Variants in TGFB1 observed in about 807,000 individuals in gnomAD.
The protein encoded by TGFB1 is transforming growth factor beta 1, also known as transforming growth factor beta-1 proprotein.
In TGFB1, 19 loss-of-function variants were observed where a neutral mutation model predicts 43.8. That is an observed-to-expected ratio of 0.43 (90% CI 0.30 to 0.64). The LOEUF (loss-of-function observed/expected upper bound fraction) is 0.64. TGFB1 is among the 30% of genes least tolerant of loss of function. The pLI is 0.11. For missense variants in TGFB1, 445 were observed against 529.8 expected, an observed-to-expected ratio of 0.84 and a Z score of 1.57; for synonymous variants, 221 against 236.3, an observed-to-expected ratio of 0.94 and a Z score of 0.60.
Position 41,332,114 on chromosome 19 carries a change from T to G in TGFB1, c.1014+14A>C. ...CCCCCAAGCGCATCTCGTAGCCCGG[T>G]GGGCCAGACGTACCTTGCTGTACTG... On this transcript the variant is annotated intron_variant, in intron 6 of 6. Coordinates refer to ENST00000221930, the MANE Select transcript of TGFB1 (RefSeq NM_000660.7). 6.2e-7 allele frequency: 1 copy of G among 1,606,474 alleles called. No individual in the cohort carries two copies. The highest frequency in any genetic ancestry group is 1.1e-5 in the South Asian group (1 of 90,966).
At chr19:41,343,295 G>C (rs7408955) in intron 3 of TGFB1, among the ~76,000 whole-genome samples, 90,205 of 151,750 alleles carry the variant, frequency 0.59, 27,671 homozygotes, top group African/African-American at 0.72. Context: ...TCACCACGCC[G>C]AGCTAATTAT....
intron 5 of TGFB1, 54 bp from the exon 6 acceptor site, chr19:41,332,335 C>G: frequency 6.3e-7 from 1 of 1,580,394 alleles, no homozygotes; most frequent in Non-Finnish European, 8.6e-7. Context: ...CCATAGAAGC[C>G]ACATGCCCCT....
intron 6 of TGFB1, chr19:41,331,923 C>T (rs1009693416): frequency 1.9e-5 from 12 of 633,132 alleles, no homozygotes; most frequent in Non-Finnish European, 2.7e-5. Flanking sequence ...CTTCATAGCT[C>T]ATCTCCCTCT....
intron 5 of TGFB1, among the ~76,000 whole-genome samples, chr19:41,341,673 G>A (rs1038452955): frequency 6.6e-6 from 1 of 152,000 alleles, no homozygotes; most frequent in Non-Finnish European, 1.5e-5. Context: ...GCCTCCCAAA[G>A]TGTTGGGATT....
At chr19:41,337,286 G>A (rs918211747) in intron 5 of TGFB1, among the ~76,000 whole-genome samples, 1 of 151,880 alleles carries the variant, frequency 6.6e-6, no homozygotes, top group Non-Finnish European at 1.5e-5. Context: ...GGATTACAGG[G>A]CCCGCCACCA....
intron 2 of TGFB1, 148 bp downstream of exon 2, chr19:41,348,145 AGC>A: frequency 2.7e-6 from 2 of 747,770 alleles, no homozygotes; most frequent in Non-Finnish European, 4.2e-6. Context: ...AAAAAAAAAA[AGC>A]GTTCTAGGAT....
intron 4 of TGFB1, 54 bp downstream of exon 4, chr19:41,342,116 A>C: frequency 6.2e-7 from 1 of 1,611,552 alleles, no homozygotes; most frequent in Admixed American, 1.7e-5. Context: ...GCAGATGGGA[A>C]CACACACACG....
At chr19:41,349,419 G>T (rs1482969728) in intron 1 of TGFB1, among the ~76,000 whole-genome samples, 3 of 152,184 alleles carry the variant, frequency 2.0e-5, no homozygotes, top group African/African-American at 7.2e-5. Flanking sequence ...GTCAAGCCAT[G>T]TGGCACCAAT....
At chr19:41,345,120 T>TA (rs1436482884) in intron 2 of TGFB1, among the ~76,000 whole-genome samples, 1 of 152,224 alleles carries the variant, frequency 6.6e-6, no homozygotes, top group Admixed American at 6.5e-5. Flanking sequence ...AGGTGTTTTC[T>TA]TGCCTTCTCG....
chr19:41,348,482 A>G (rs201678831), intron 1 of TGFB1, 27 bp from the exon 2 acceptor site: 23 of 1,609,772 alleles, frequency 1.4e-5, no homozygotes, highest in Non-Finnish European at 2.0e-5. Context: ...AAGGGAGGCG[A>G]TCAGGGGTTT....
chr19:41,353,099 G>A lies in TGFB1; in HGVS notation c.-55C>T. ...AGAGCGCGAACAGGGCTGGTGTGGT[G>A]GGGAGGCCCCGCCCCTGCAGGGGCT... is the stretch of plus-strand genomic sequence containing the variant. On this transcript the variant is annotated 5_prime_UTR_variant, in exon 1 of 7. Transcript: ENST00000221930. This position sits in a 1 kb window ranked among gnomAD's most constrained non-coding sequence, Gnocchi z 5.9. The A allele has an allele frequency of 6.9e-7, 1 of 1,450,594 alleles. No individual in the cohort carries two copies. Among genetic ancestry groups the A allele is most frequent in the Non-Finnish European group, 9.0e-7 (1 of 1,107,918 alleles). The allele number at this position is 1,450,594 out of a possible 1,614,324, so 89.9% of individuals were successfully genotyped here.
At chr19:41,350,332 G>A (rs1371808424) in intron 1 of TGFB1, among the ~76,000 whole-genome samples, 4 of 140,916 alleles carry the variant, frequency 2.8e-5, no homozygotes, top group Non-Finnish European at 6.1e-5. Context: ...TTTTTGAGAT[G>A]GAGTTTCTGT....
chr19:41,338,107 G>A (rs1308270440), intron 5 of TGFB1, among the ~76,000 whole-genome samples: 1 of 151,996 alleles, frequency 6.6e-6, no homozygotes, highest in Admixed American at 6.6e-5. Flanking sequence ...CAGGAGAATT[G>A]CTTGAACCTG....
At chr19:41,333,977 G>C (rs758221132) in intron 5 of TGFB1, among the ~76,000 whole-genome samples, 8 of 152,350 alleles carry the variant, frequency 5.3e-5, no homozygotes, top group Admixed American at 4.6e-4. Flanking sequence ...GTATACATTT[G>C]AAATTTTCCA....
rs963535936 is a variant in TGFB1, at chr19:41,353,215, G to C, written c.-171C>G. 35 of 798,054 alleles carry C rather than the reference G, an allele frequency of 4.4e-5. No individual in the cohort carries two copies. The highest frequency in any genetic ancestry group is 3.8e-4 in the Middle Eastern group (1 of 2,638). The allele number at this position is 798,054 out of a possible 1,614,324, so 49.4% of individuals were successfully genotyped here. A position where few individuals can be genotyped will look rare whatever the true frequency, so the allele number is the denominator to read the frequency against. On this transcript the variant is annotated 5_prime_UTR_variant, in exon 1 of 7. Transcript: ENST00000221930. The surrounding 1 kb of genome is among the most constrained non-coding windows in gnomAD (Gnocchi z 5.9). ...CAGTGGTGGAGGGGAGGCTTGGACC[G>C]GGGGTGTCTCAGTATCCCACGGAAA...
intron 3 of TGFB1, 79 bp from the exon 4 acceptor site, chr19:41,342,326 AC>A: frequency 7.0e-7 from 1 of 1,434,120 alleles, no homozygotes; most frequent in South Asian, 1.2e-5. Flanking sequence ...GAAGGAGCAA[AC>A]CCCAGGGGCT....
chr19:41,342,133 C>G (rs200134934), intron 4 of TGFB1, 37 bp downstream of exon 4: 2 of 1,611,506 alleles, frequency 1.2e-6, no homozygotes, highest in South Asian at 1.1e-5. Context: ...CACGCACACA[C>G]GTCACAACTG....
In TGFB1 at chr19:41,330,860, G is replaced by GA. The variant is rs1275479414; in HGVS notation, c.*191dup. 5.7e-6 allele frequency: 3 copies of GA among 528,976 alleles called. No homozygotes were observed. The highest frequency in any genetic ancestry group is 4.1e-5 in the African/African-American group (2 of 49,046). The allele number at this position is 528,976 out of a possible 1,614,324, so 32.8% of individuals were successfully genotyped here. ...GGAGAGAGAGGGAGTGGGAGTGGGG[G>GA]AACGTCAGGGATGGAGACCCCAGGC... On this transcript the variant is annotated 3_prime_UTR_variant, in exon 7 of 7. Transcript: ENST00000221930.
At chr19:41,338,492 G>A (rs1240231497) in intron 5 of TGFB1, among the ~76,000 whole-genome samples, 4 of 139,306 alleles carry the variant, frequency 2.9e-5, no homozygotes, top group Non-Finnish European at 4.6e-5. Flanking sequence ...GCGAAACTCC[G>A]TCTCAAAAAA....
Sources: gnomAD v4.1 joint callset for allele counts (sites outside exome capture counted in the v4.1 genomes callset) on GRCh38, gnomAD v4.1.1 for gene constraint, Gnocchi (gnomAD v3.1) non-coding constraint, MANE v1.5 for transcripts, NCBI Gene and HGNC (gene_info 2026-07-23, HGNC 2026-07-21) for gene names.